KYAT3: variants seen among roughly 807,000 people sequenced by gnomAD.
KYAT3 encodes kynurenine aminotransferase 3.
Under a neutral mutation model 59.0 loss-of-function variants are expected in KYAT3, and 50 were observed. The ratio of observed to expected loss-of-function variants is 0.85; its 90% CI spans 0.68 to 1.07. The LOEUF is 1.07. Among genes scored for constraint, KYAT3 ranks in the 50% least tolerant of loss-of-function variants. The pLI is 0.00. For synonymous variants in KYAT3, 148 were observed against 177.0 expected (o/e 0.84, Z 1.30); for missense variants, 497 against 533.3 (o/e 0.93, Z 0.67).
At chr1:88,964,740 G>T (rs1019753821) in intron 5 of KYAT3, 89 bp downstream of exon 5, 1 of 1,039,912 alleles carries the variant, frequency 9.6e-7, no homozygotes, top group Non-Finnish European at 1.4e-6. Flanking sequence ...AATAAAAAGA[G>T]AAAAGAGTAG....
intron 2 of KYAT3, among the ~76,000 whole-genome samples, chr1:88,971,606 T>C (rs558688501): frequency 1.3e-5 from 2 of 152,328 alleles, no homozygotes; most frequent in South Asian, 4.1e-4. Context: ...AACAGTGTGA[T>C]AGCTAAGATT....
intron 13 of KYAT3, among the ~76,000 whole-genome samples, chr1:88,942,632 G>A (rs370560534): frequency 2.0e-5 from 3 of 151,854 alleles, no homozygotes; most frequent in African/African-American, 7.3e-5. Flanking sequence ...GTGCGATCTC[G>A]GCTCACTGCA....
At chr1:88,935,136 G>GA (rs2101006135), downstream of KYAT3, among the ~76,000 whole-genome samples, 1 of 151,564 alleles carries the variant, frequency 6.6e-6, no homozygotes, top group East Asian at 1.9e-4. Flanking sequence ...TGGGATTACA[G>GA]GAATACGCCA....
At chr1:88,949,364 C>G in intron 10 of KYAT3, 87 bp from the exon 11 acceptor site, 1 of 956,862 alleles carries the variant, frequency 1.0e-6, no homozygotes, top group Non-Finnish European at 1.5e-6. Flanking sequence ...TAGAGATGAT[C>G]TGAGTAAAAT....
At position 88,949,277 on chromosome 1, in the gene KYAT3, C is replaced by A. The variant is rs1288643638; in HGVS notation, c.955G>T (p.Glu319Ter). The change falls in exon 11 of 14, where the codon GAA becomes TAA. Residue 319 changes from glutamate to a stop codon, truncating the protein, a stop_gained and splice_region_variant. Coordinates refer to ENST00000260508, the MANE Select transcript of KYAT3 (RefSeq NM_001008661.3). LOFTEE classifies it high-confidence loss of function. ...ATCCAGAAAGCTTGAGCCAAGGCTT[C>A]CTGTTTGTTAAGAATCAAAAAATAT... ...TIYTCATPLQ[E>*]ALAQAFWIDI... 1.3e-6 allele frequency: 2 copies of A among 1,533,608 alleles called. No individual in the cohort carries two copies. Among genetic ancestry groups the A allele is most frequent in the Non-Finnish European group, 1.7e-6 (2 of 1,146,832 alleles).
At chr1:88,943,764 G>C (rs1359332744) in intron 11 of KYAT3, among the ~76,000 whole-genome samples, 1 of 152,180 alleles carries the variant, frequency 6.6e-6, no homozygotes, top group African/African-American at 2.4e-5. Context: ...TCATTACTAA[G>C]GAAATAACTG....
Position 88,984,204 on chromosome 1 carries a change from C to CTTT in KYAT3, c.99+4045_99+4047dup, listed in dbSNP as rs908183722. On this transcript the variant is annotated intron_variant, in intron 2 of 13. Coordinates refer to ENST00000260508, the MANE Select transcript of KYAT3 (RefSeq NM_001008661.3). ...ATTAACAGGAGCCCTTTTTTTGTTG[C>CTTT]TTTTTTTTTTTTTTTTTTTTTTTTT... 4.8e-3 allele frequency: 393 copies of CTTT among 81,738 alleles called. 32 individuals carry two copies. Among genetic ancestry groups the CTTT allele is most frequent in the African/African-American group, 0.013 (289 of 22,850 alleles). The allele number at this position is 81,738 out of a possible 1,614,324, so 5.1% of individuals were successfully genotyped here.
At chr1:88,931,741 A>G (rs947252478), downstream of KYAT3, among the ~76,000 whole-genome samples, 1 of 142,558 alleles carries the variant, frequency 7.0e-6, no homozygotes. Context: ...GTAAAGAAAT[A>G]GCCAATCATC....
At chr1:88,960,404 T>C (rs781128134) in intron 8 of KYAT3, among the ~76,000 whole-genome samples, 1 of 152,130 alleles carries the variant, frequency 6.6e-6, no homozygotes, top group Non-Finnish European at 1.5e-5. Flanking sequence ...AATCCCTCCA[T>C]TACTGTGGTT....
At chr1:88,938,054 G>A (rs914567734) in intron 13 of KYAT3, among the ~76,000 whole-genome samples, 3 of 152,274 alleles carry the variant, frequency 2.0e-5, no homozygotes, top group South Asian at 2.1e-4. Context: ...TTAACTTCAT[G>A]ATTTTGAGGG....
At chr1:88,962,036 A>G in intron 6 of KYAT3, 23 bp downstream of exon 6, 1 of 1,563,986 alleles carries the variant, frequency 6.4e-7, no homozygotes, top group Non-Finnish European at 8.8e-7. Flanking sequence ...ACTTTGCCAT[A>G]TGAACCATAC....
chr1:88,979,021 CA>C (rs1676940224), intron 2 of KYAT3, among the ~76,000 whole-genome samples: 1 of 152,108 alleles, frequency 6.6e-6, no homozygotes, highest in Admixed American at 6.5e-5. Context: ...GAGACAAGTG[CA>C]TAAGATGCCT....
At chr1:88,952,471 A>G (rs988993201) in intron 10 of KYAT3, among the ~76,000 whole-genome samples, 1 of 152,038 alleles carries the variant, frequency 6.6e-6, no homozygotes, top group African/African-American at 2.4e-5. Context: ...TTCTCATGAG[A>G]GTGAGTTATT....
downstream of KYAT3, among the ~76,000 whole-genome samples, chr1:88,934,989 A>AT (rs59691903): frequency 0.4 from 43,935 of 110,096 alleles, 9,903 homozygotes; most frequent in Non-Finnish European, 0.46. Context: ...TAAAGAAGTG[A>AT]TTTTTTTTTT....
chr1:88,992,462 G>A (rs34527425), intron 1 of KYAT3, 123 bp downstream of exon 1: 2 of 152,700 alleles, frequency 1.3e-5, no homozygotes, highest in African/African-American at 4.8e-5. Context: ...CACCCCCGCA[G>A]GCGGCCCCGC....
intron 2 of KYAT3, chr1:88,983,283 G>A: frequency 6.2e-7 from 1 of 1,613,854 alleles, no homozygotes; most frequent in Non-Finnish European, 8.5e-7. Flanking sequence ...CGTGATAGAG[G>A]AGCTCTTCCT....
intron 9 of KYAT3, 69 bp downstream of exon 9, chr1:88,955,080 A>C: frequency 9.3e-7 from 1 of 1,070,226 alleles, no homozygotes. Context: ...TTTAAAACAC[A>C]AACCACTCAA....
intron 1 of KYAT3, among the ~76,000 whole-genome samples, chr1:88,992,155 T>A (rs919701007): frequency 2.6e-5 from 4 of 152,054 alleles, no homozygotes; most frequent in Non-Finnish European, 5.9e-5. Context: ...ATTTTTTGTA[T>A]TTTTAGTACA....
intron 8 of KYAT3, among the ~76,000 whole-genome samples, chr1:88,958,452 C>CGGTT (rs1676008230): frequency 6.6e-6 from 1 of 151,804 alleles, no homozygotes; most frequent in South Asian, 2.1e-4. Context: ...GTCATGGAAC[C>CGGTT]ATTTCTCCTG....
Sources: allele counts gnomAD v4.1 joint callset (sites outside exome capture counted in the v4.1 genomes callset), GRCh38; gene constraint gnomAD v4.1.1; transcripts MANE v1.5; gene names NCBI Gene and HGNC (gene_info 2026-07-23, HGNC 2026-07-21).